Variants in ELF4 observed in about 807,000 individuals in gnomAD.
ELF4 encodes ETS-related transcription factor Elf-4.
ELF4 carries 10 observed loss-of-function variants against 31.7 expected under a neutral mutation model. The observed-to-expected ratio is 0.32, with a 90% CI of 0.19 to 0.54. The LOEUF (loss-of-function observed/expected upper bound fraction) is 0.54, where lower values mean the gene tolerates loss of function less well. Among genes scored for constraint, ELF4 ranks in the 20% least tolerant of loss-of-function variants. ELF4 has a pLI of 0.95. For synonymous variants in ELF4, 208 were observed against 226.7 expected (o/e 0.92, Z 0.74); for missense variants, 418 against 522.0 (o/e 0.80, Z 1.94).
Position 130,065,881 on chromosome X carries a change from A to G in ELF4, c.*840T>C, listed in dbSNP as rs2124608753. 1.7e-5 allele frequency: 3 copies of G among 175,127 alleles called. No homozygotes were observed. The East Asian group carries it at 2.4e-4, about 14-fold the overall frequency. 14.4% of individuals were successfully genotyped at this position (175,127 alleles called of 1,213,427 possible). A position where few individuals can be genotyped will look rare whatever the true frequency, so the allele number is the denominator to read the frequency against. ...GCAAAGCACTTTGGGGTGGCCCAAG[A>G]TTCCAGCCTGACTGCAAGGTGACTG... On this transcript the variant is annotated 3_prime_UTR_variant, in exon 9 of 9. Coordinates refer to ENST00000308167, the MANE Select transcript of ELF4 (RefSeq NM_001421.4).
In ELF4 at chrX:130,069,605, G is replaced by C; in HGVS notation, c.882C>G (p.Pro294=). ...CATCTTCAATGACCACCAGGTCCTT[G>C]GGCATCTCCTTAAACTGGTACACCA... ...QRLVYQFKEM[P]KDLVVIEDED... The change falls in exon 8 of 9, where the codon CCC becomes CCG. Residue 294 remains proline, a synonymous_variant. Transcript: ENST00000308167. 2 of 1,211,452 alleles carry C rather than the reference G, an allele frequency of 1.7e-6. No homozygotes were observed. Among genetic ancestry groups the C allele is most frequent in the Non-Finnish European group, 2.2e-6 (2 of 895,139 alleles).
chrX:130,070,934 C>A (rs1407152073), intron 7 of ELF4, 106 bp downstream of exon 7: 12 of 1,090,433 alleles, frequency 1.1e-5, no homozygotes, highest in African/African-American at 1.8e-5. Flanking sequence ...GACTCGTTTC[C>A]TTAGGATCAA....
intron 5 of ELF4, 60 bp downstream of exon 5, chrX:130,072,165 GC>G (rs1040702593): frequency 1.4e-5 from 15 of 1,096,015 alleles, no homozygotes; most frequent in East Asian, 9.2e-5. Flanking sequence ...AGCCCTGACC[GC>G]CCCCCCACGC....
chrX:130,080,418 C>T (rs1445064890), intron 2 of ELF4, among the ~76,000 whole-genome samples: 1 of 58,357 alleles, frequency 1.7e-5, no homozygotes. Flanking sequence ...AGTGAGACTT[C>T]GTTTCAAAAA....
chrX:130,070,687 G>A (rs1160526937), intron 7 of ELF4, among the ~76,000 whole-genome samples: 1 of 103,813 alleles, frequency 9.6e-6, no homozygotes, highest in Non-Finnish European at 2.0e-5. Flanking sequence ...CATGAGAATC[G>A]CTTGAACCCA....
chrX:130,081,370 C>T lies in ELF4; in HGVS notation c.-40G>A. On this transcript the variant is annotated 5_prime_UTR_variant, in exon 2 of 9. Transcript: ENST00000308167. ...GAGCTGACAACGGGATTATCAGAGC[C>T]CTCCAGAGCTGTGGGGCTTTCTTGA... is the stretch of plus-strand genomic sequence containing the variant. 1 of 1,174,713 alleles carries T rather than the reference C, an allele frequency of 8.5e-7. No individual in the cohort carries two copies. Among genetic ancestry groups the T allele is most frequent in the Non-Finnish European group, 1.2e-6 (1 of 861,755 alleles).
At position 130,064,039 on chromosome X, in the gene ELF4, G is replaced by T. The variant is rs1038205053; in HGVS notation, c.*2682C>A. Among the ~76,000 whole-genome samples the T allele has an allele frequency of 5.6e-5, 6 of 107,553 alleles. No homozygotes were observed. Among genetic ancestry groups the T allele is most frequent in the Non-Finnish European group, 7.7e-5 (4 of 52,173 alleles). The allele number at this position is 107,553 out of a possible 115,157, so 93.4% of individuals were successfully genotyped here. ...CTTTAAGTTCTGGGATACATGTGCA[G>T]AACGTGCAGGTTTGTTACATAGGTA... On this transcript the variant is annotated 3_prime_UTR_variant, in exon 9 of 9. Coordinates refer to ENST00000308167, the MANE Select transcript of ELF4 (RefSeq NM_001421.4).
In ELF4 at chrX:130,065,841, C is replaced by T. The variant is rs3788847; in HGVS notation, c.*880G>A. On this transcript the variant is annotated 3_prime_UTR_variant, in exon 9 of 9. Coordinates refer to ENST00000308167, the MANE Select transcript of ELF4 (RefSeq NM_001421.4). The stretch of plus-strand genomic sequence containing the variant: ...CTGAGGCTGGAGGGCACTTCATCCC[C>T]GTCTAAATCCTTCAGCAAAGCACTT... 36,589 of 172,422 alleles carry T rather than the reference C, an allele frequency of 0.21. 3,085 individuals carry two copies. Among genetic ancestry groups the T allele is most frequent in the Admixed American group, 0.35 (4,384 of 12,500 alleles). 14.2% of individuals were successfully genotyped at this position (172,422 alleles called of 1,213,427 possible). A position where few individuals can be genotyped will look rare whatever the true frequency, so the allele number is the denominator to read the frequency against.
rs1932712514 is a variant in ELF4, at chrX:130,067,463, A to G, written c.1250T>C (p.Leu417Pro). 1 of 1,210,208 alleles carries G rather than the reference A, an allele frequency of 8.3e-7. No individual in the cohort carries two copies. Among genetic ancestry groups the G allele is most frequent in the Admixed American group, 2.2e-5 (1 of 45,862 alleles). Residue 417 changes from leucine (L) to proline (P), a missense_variant, in exon 9 of 9, where the codon CTG (leucine) becomes CCG (proline). Leu to Pro is a moderately conservative substitution (Grantham distance 98). Coordinates refer to ENST00000308167, the MANE Select transcript of ELF4 (RefSeq NM_001421.4). ...GVAPVGSGSALTLQTIPLTTV... is the reference protein window; with the variant it reads ...GVAPVGSGSAPTLQTIPLTTV... ...GGTCAGTGGGATCGTCTGCAGGGTC[A>G]GGGCCGAGCCCGACCCCACGGGGGC... is the stretch of plus-strand genomic sequence containing the variant.
chrX:130,090,435 C>G (rs1363701739), intron 1 of ELF4, among the ~76,000 whole-genome samples: 1 of 110,933 alleles, frequency 9.0e-6, no homozygotes, highest in Non-Finnish European at 1.9e-5. Flanking sequence ...TGAACCTTCA[C>G]AGTGCCTTCC....
chrX:130,070,791 G>A (rs906832673), intron 7 of ELF4, among the ~76,000 whole-genome samples: 108 of 69,712 alleles, frequency 1.5e-3, no homozygotes, highest in African/African-American at 6.8e-3. Flanking sequence ...AAAAAAAAAA[G>A]AAAGAAAGAA....
chrX:130,070,787 A>AAAAAAAAG (rs1556186609), intron 7 of ELF4, among the ~76,000 whole-genome samples: 12 of 92,719 alleles, frequency 1.3e-4, no homozygotes, highest in East Asian at 3.5e-4. Flanking sequence ...AAAAAAAAAA[A>AAAAAAAAG]AAAGAAAGAA....
chrX:130,068,837 C>T lies in ELF4; in HGVS notation c.1187+463G>A, dbSNP rs777254288. On this transcript the variant is annotated intron_variant, in intron 8 of 8. Coordinates refer to ENST00000308167, the MANE Select transcript of ELF4 (RefSeq NM_001421.4). ...GTGTGACCTCAGGCAAGTGACTTCC[C>T]CTCTCTTGACCAACAAGTGCCCTAC... 1.9e-3 allele frequency among the ~76,000 whole-genome samples: 211 copies of T among 112,713 alleles called. 1 individual carries two copies. The highest frequency in any genetic ancestry group is 2.3e-3 in the Non-Finnish European group (125 of 53,236).
chrX:130,066,843 G>A lies in ELF4; in HGVS notation c.1870C>T (p.Leu624=). 1 of 1,210,804 alleles carries A rather than the reference G, an allele frequency of 8.3e-7. No homozygotes were observed. The highest frequency in any genetic ancestry group is 3.0e-5 in the East Asian group (1 of 33,838). The change falls in exon 9 of 9, where the codon CTG becomes TTG. Residue 624 remains leucine, a synonymous_variant. Coordinates refer to ENST00000308167, the MANE Select transcript of ELF4 (RefSeq NM_001421.4). ...ELELSSGSGS[L]LMAEPSVTTS... ...GTCACACTAGGCTCAGCCATCAGCAGGGACCCTGAGCCTGAGGAGAGCTCA... is the reference window on the plus strand; with the variant it reads ...GTCACACTAGGCTCAGCCATCAGCAAGGACCCTGAGCCTGAGGAGAGCTCA...
intron 1 of ELF4, among the ~76,000 whole-genome samples, chrX:130,084,886 C>T (rs187600422): frequency 2.4e-3 from 265 of 112,464 alleles, no homozygotes; most frequent in Non-Finnish European, 4.0e-3. Context: ...ACCAAAGATG[C>T]CACCATCATA....
chrX:130,101,528 C>T (rs765893013), intron 1 of ELF4, among the ~76,000 whole-genome samples: 13 of 111,814 alleles, frequency 1.2e-4, no homozygotes, highest in Admixed American at 3.8e-4. Context: ...CGCGGTGGCT[C>T]GTGCCTGTAA....
chrX:130,081,557 A>T lies in ELF4; in HGVS notation c.-209-18T>A. 2 of 442,079 alleles carry T rather than the reference A, an allele frequency of 4.5e-6. No individual in the cohort carries two copies. Among genetic ancestry groups the T allele is most frequent in the Non-Finnish European group, 8.0e-6 (2 of 250,165 alleles). The allele number at this position is 442,079 out of a possible 1,213,427, so 36.4% of individuals were successfully genotyped here. A position where few individuals can be genotyped will look rare whatever the true frequency, so the allele number is the denominator to read the frequency against. ...GGAGCGACCTAGAGAGAAGGGAGAG[A>T]TGGGGACAGTGAGTAAGTCACCTTC... On this transcript the variant is annotated intron_variant, in intron 1 of 8. Coordinates refer to ENST00000308167, the MANE Select transcript of ELF4 (RefSeq NM_001421.4).
chrX:130,089,533 A>C (rs941870028), intron 1 of ELF4, among the ~76,000 whole-genome samples: 1 of 105,135 alleles, frequency 9.5e-6, no homozygotes. Context: ...AAAAAAAAAA[A>C]AAAACACCTC....
chrX:130,094,061 G>A (rs748054684), intron 1 of ELF4, among the ~76,000 whole-genome samples: 14 of 110,689 alleles, frequency 1.3e-4, no homozygotes, highest in African/African-American at 3.6e-4. Flanking sequence ...GAGGCACCCC[G>A]TCTCTACTAA....
Sources: gnomAD v4.1 joint callset for allele counts (sites outside exome capture counted in the v4.1 genomes callset) on GRCh38, gnomAD v4.1.1 for gene constraint, MANE v1.5 for transcripts, NCBI Gene and HGNC (gene_info 2026-07-23, HGNC 2026-07-21) for gene names.